The following THNSL1 variants were observed in gnomAD, a reference collection of about 807,000 sequenced individuals.
THNSL1 encodes the protein threonine synthase-like 1.
A neutral mutation model predicts 50.4 loss-of-function variants in THNSL1; 48 were observed. The ratio of observed to expected loss-of-function variants is 0.95; its 90% CI spans 0.76 to 1.21. The LOEUF (loss-of-function observed/expected upper bound fraction) is 1.21. THNSL1 is among the 50% of genes most tolerant of loss of function. The pLI is 0.00. For synonymous variants in THNSL1, 309 were observed against 306.1 expected, an observed-to-expected ratio of 1.01 and a Z score of -0.10; for missense variants, 896 against 871.7, an observed-to-expected ratio of 1.03 and a Z score of -0.35.
chr10:25,002,469 T>A, the THNSL1 span, among the ~76,000 whole-genome samples: 5,156 of 152,280 alleles, frequency 0.034, 213 homozygotes, highest in African/African-American at 0.096. Context: ...TGGCCTGGAA[T>A]TTCTCTCCAG....
chr10:24,991,539 G>A, the THNSL1 span, among the ~76,000 whole-genome samples: 1 of 152,114 alleles, frequency 6.6e-6, no homozygotes, highest in East Asian at 1.9e-4. Context: ...CCAGCATGCC[G>A]GCAGGCCATC....
At chr10:24,993,768 TC>T in the THNSL1 span, among the ~76,000 whole-genome samples, 283 of 152,350 alleles carry the variant, frequency 1.9e-3, no homozygotes, top group Non-Finnish European at 2.7e-3. Context: ...TTTTTCTGTT[TC>T]CATGATGGAT....
At chr10:25,001,030 A>G in the THNSL1 span, among the ~76,000 whole-genome samples, 5 of 152,068 alleles carry the variant, frequency 3.3e-5, no homozygotes, top group Non-Finnish European at 7.4e-5. Flanking sequence ...AATATATTTT[A>G]CTTTTCTGTG....
the THNSL1 span, among the ~76,000 whole-genome samples, chr10:24,989,602 C>A: frequency 1.3e-5 from 2 of 152,170 alleles, no homozygotes; most frequent in Non-Finnish European, 2.9e-5. Flanking sequence ...TTTAAAAAAT[C>A]TTATGCCTTT....
chr10:24,999,592 A>T, the THNSL1 span: 1 of 1,483,052 alleles, frequency 6.7e-7, no homozygotes, highest in African/African-American at 1.4e-5. Context: ...TTCTAGTAAA[A>T]ATTACCTAAA....
chr10:25,002,113 T>A, the THNSL1 span, among the ~76,000 whole-genome samples: 5 of 152,186 alleles, frequency 3.3e-5, no homozygotes, highest in East Asian at 3.8e-4. Flanking sequence ...CTATTTCTAA[T>A]TTGGCCCCAC....
At chr10:24,984,834 T>C in the THNSL1 span, 65 of 1,613,874 alleles carry the variant, frequency 4.0e-5, no homozygotes, top group East Asian at 1.3e-3. Context: ...GGATCTTCTT[T>C]GGTATAGAAT....
rs372172030 is a variant in THNSL1 at position 25,024,626 on chromosome 10, C to T, written c.1403C>T (p.Ala468Val). 3 of 1,614,110 alleles carry T rather than the reference C, an allele frequency of 1.9e-6. No homozygotes were observed. The African/African-American group carries it at 4.0e-5, about 22-fold the overall frequency. Reference protein sequence around the residue: ...TVEYGTILSSANSINWGRLLP... With the variant: ...TVEYGTILSSVNSINWGRLLP... The stretch of plus-strand genomic sequence containing the variant: ...GAATATGGAACAATCTTAAGTTCGG[C>T]TAACTCCATAAACTGGGGCCGACTA... The change falls in exon 3 of 3, where the codon GCT becomes GTT. Residue 468 changes from alanine to valine, a missense_variant. By Grantham distance (64) the Ala-to-Val change is moderately conservative (BLOSUM62 0). Transcript: ENST00000376356.
chr10:24,984,357 T>C, the THNSL1 span: 15 of 1,593,908 alleles, frequency 9.4e-6, no homozygotes, highest in Non-Finnish European at 1.1e-5. Flanking sequence ...TTTTCAAAGT[T>C]GTGCTGTTGG....
the THNSL1 span, among the ~76,000 whole-genome samples, chr10:24,994,106 T>C: frequency 6.6e-6 from 1 of 152,190 alleles, no homozygotes; most frequent in African/African-American, 2.4e-5. Flanking sequence ...GAAAACAGCC[T>C]TGAGGGTCCT....
At chr10:25,007,367 A>G in the THNSL1 span, among the ~76,000 whole-genome samples, 7 of 152,296 alleles carry the variant, frequency 4.6e-5, 1 homozygote, top group African/African-American at 1.4e-4. Flanking sequence ...ATGAAATGCC[A>G]GAGAGGTGTG....
At chr10:24,995,830 A>C in the THNSL1 span, 85 of 1,611,984 alleles carry the variant, frequency 5.3e-5, no homozygotes, top group Non-Finnish European at 7.0e-5. Flanking sequence ...CTTCAATGGC[A>C]CAGCAGGCTT....
the THNSL1 span, among the ~76,000 whole-genome samples, chr10:24,958,830 A>G: frequency 6.6e-6 from 1 of 152,230 alleles, no homozygotes; most frequent in Non-Finnish European, 1.5e-5. Context: ...ATATCCTCCC[A>G]CTATCTCCCC....
chr10:24,988,692 A>G, the THNSL1 span, among the ~76,000 whole-genome samples: 528 of 33,342 alleles, frequency 0.016, 39 homozygotes, highest in African/African-American at 0.07. Flanking sequence ...ATATATATAT[A>G]TATATATATA....
At chr10:24,996,224 A>T in the THNSL1 span, among the ~76,000 whole-genome samples, 4,678 of 152,302 alleles carry the variant, frequency 0.031, 103 homozygotes, top group South Asian at 0.072. Flanking sequence ...GGAGTCTGAG[A>T]CCAGTCTCGG....
chr10:24,988,662 A>ATGTGTG, the THNSL1 span, among the ~76,000 whole-genome samples: 1 of 106,692 alleles, frequency 9.4e-6, no homozygotes, highest in Non-Finnish European at 2.0e-5. Flanking sequence ...GACACAGCAT[A>ATGTGTG]TGTATATATA....
the THNSL1 span, among the ~76,000 whole-genome samples, chr10:24,999,245 C>T: frequency 6.6e-6 from 1 of 152,182 alleles, no homozygotes; most frequent in African/African-American, 2.4e-5. Context: ...TTTTTCTACC[C>T]AATTCTCTAC....
At chr10:24,999,412 G>GT in the THNSL1 span, 1 of 1,608,254 alleles carries the variant, frequency 6.2e-7, no homozygotes, top group South Asian at 1.1e-5. Context: ...GGGTGGTAGA[G>GT]TTTTTTCCTT....
chr10:25,018,562 T>C (rs1381839164), intron 1 of THNSL1, among the ~76,000 whole-genome samples: 1 of 151,930 alleles, frequency 6.6e-6, no homozygotes, highest in Non-Finnish European at 1.5e-5. Flanking sequence ...ATGAAAATGA[T>C]GGTGGGCCAG....
Sources: allele counts gnomAD v4.1 joint callset (sites outside exome capture counted in the v4.1 genomes callset), GRCh38; gene constraint gnomAD v4.1.1; transcripts MANE v1.5; gene names NCBI Gene and HGNC (gene_info 2026-07-23, HGNC 2026-07-21).